USP36: variants seen among roughly 807,000 people sequenced by gnomAD.
USP36 encodes the protein ubiquitin specific peptidase 36, also known as ubiquitin carboxyl-terminal hydrolase 36.
In USP36, 59 loss-of-function variants were observed where a neutral mutation model predicts 111.5. The observed-to-expected ratio is 0.53, with a 90% CI of 0.43 to 0.66. The LOEUF (loss-of-function observed/expected upper bound fraction) is 0.66, where lower values mean the gene tolerates loss of function less well. USP36 is among the 30% of genes least tolerant of loss of function. USP36 has a pLI of 0.00. For synonymous variants in USP36, 628 were observed against 581.0 expected (o/e 1.08, Z -1.16); for missense variants, 1,488 against 1,468.0 (o/e 1.01, Z -0.22).
chr17:78,834,571 C>G (rs567010986), intron 4 of USP36, among the ~76,000 whole-genome samples: 1 of 151,946 alleles, frequency 6.6e-6, no homozygotes, highest in African/African-American at 2.4e-5. Context: ...TTCAGCCTCC[C>G]GAGCAGCTGG....
At position 78,806,100 on chromosome 17, in the gene USP36, C is replaced by T; in HGVS notation, c.2216+56G>A. 12 of 1,608,650 alleles carry T rather than the reference C, an allele frequency of 7.5e-6. No individual in the cohort carries two copies. The South Asian group carries it at 1.1e-4, about 15-fold the overall frequency. Reference sequence around the variant, plus strand: ...CGTCCAACTCCTCACCAGCCAAGCACACGCAACCACAGGGAGAACCAGTTG... The same window carrying T: ...CGTCCAACTCCTCACCAGCCAAGCATACGCAACCACAGGGAGAACCAGTTG... On this transcript the variant is annotated intron_variant, in intron 15 of 20. Transcript: ENST00000449938.
intron 10 of USP36, among the ~76,000 whole-genome samples, chr17:78,818,175 C>T (rs1294898346): frequency 6.6e-6 from 1 of 152,158 alleles, no homozygotes; most frequent in African/African-American, 2.4e-5. Context: ...GAGCATGCAA[C>T]GGCACCTGTT....
chr17:78,812,807 C>CTGT, intron 13 of USP36, 53 bp downstream of exon 13: 1 of 1,601,842 alleles, frequency 6.2e-7, no homozygotes, highest in South Asian at 1.1e-5. Context: ...GTGAGGAGGT[C>CTGT]TGTGAGGAGC....
intron 6 of USP36, among the ~76,000 whole-genome samples, chr17:78,822,234 A>G (rs1180054051): frequency 2.0e-5 from 3 of 152,108 alleles, no homozygotes; most frequent in Non-Finnish European, 4.4e-5. Context: ...CACAGTAGCC[A>G]TTTCAAACCT....
At chr17:78,825,474 G>A (rs1599072107) in intron 6 of USP36, among the ~76,000 whole-genome samples, 1 of 151,968 alleles carries the variant, frequency 6.6e-6, no homozygotes, top group African/African-American at 2.4e-5. Flanking sequence ...CCGACATCTG[G>A]TGAGCCTTCA....
At chr17:78,827,014 C>A (rs1341110467) in intron 6 of USP36, 2 of 664,414 alleles carry the variant, frequency 3.0e-6, no homozygotes, top group Admixed American at 2.1e-5. Context: ...TCCTACCAAG[C>A]CGCCCCGGAC....
chr17:78,806,420 G>A, intron 14 of USP36, 134 bp from the exon 15 acceptor site: 3 of 1,175,102 alleles, frequency 2.6e-6, no homozygotes, highest in Admixed American at 2.6e-5. Flanking sequence ...GACAGAAGAA[G>A]ACAAAAAGGG....
At chr17:78,818,562 T>G in intron 10 of USP36, 105 bp downstream of exon 10, 1 of 949,666 alleles carries the variant, frequency 1.1e-6, no homozygotes, top group Non-Finnish European at 1.7e-6. Flanking sequence ...GGACAGGTAC[T>G]GTGTAAACAG....
intron 14 of USP36, 77 bp downstream of exon 14, chr17:78,806,878 TCTCA>T: frequency 6.5e-7 from 1 of 1,542,756 alleles, no homozygotes; most frequent in South Asian, 1.2e-5. Context: ...CGGACAATGT[TCTCA>T]CTCCCTTCAA....
intron 6 of USP36, among the ~76,000 whole-genome samples, chr17:78,824,451 G>C (rs535820351): frequency 6.6e-6 from 1 of 152,314 alleles, no homozygotes; most frequent in East Asian, 1.9e-4. Context: ...TTACTGGGCA[G>C]GAGGATTGCT....
At chr17:78,820,240 C>T (rs914930656) in intron 8 of USP36, among the ~76,000 whole-genome samples, 2 of 152,232 alleles carry the variant, frequency 1.3e-5, no homozygotes, top group Middle Eastern at 3.4e-3. Context: ...CTTGGGAGGC[C>T]GGGGCAGGAG....
Position 78,803,534 on chromosome 17 carries a change from C to A in USP36, c.2661G>T (p.Arg887=). 6.2e-7 allele frequency: 1 copy of A among 1,613,744 alleles called. No individual in the cohort carries two copies. The highest frequency in any genetic ancestry group is 8.5e-7 in the Non-Finnish European group (1 of 1,180,034). The change falls in exon 16 of 21, where the codon CGG becomes CGT. Residue 887 remains arginine (R), a synonymous_variant. Transcript: ENST00000449938. This position sits in a 1 kb window ranked among gnomAD's most constrained non-coding sequence, Gnocchi z 4.6. ...EGQAQLPAVR[R]QEDGTQPQVN... ...CCTGTGGCTGTGTGCCATCTTCCTGCCGTCTGACAGCGGGCAGCTGTGCCT... is the reference window on the plus strand; with the variant it reads ...CCTGTGGCTGTGTGCCATCTTCCTGACGTCTGACAGCGGGCAGCTGTGCCT...
At chr17:78,814,612 G>A in intron 10 of USP36, 60 bp from the exon 11 acceptor site, 3 of 1,575,664 alleles carry the variant, frequency 1.9e-6, no homozygotes, top group Non-Finnish European at 2.6e-6. Flanking sequence ...AGATCAATTT[G>A]CCCTTTCCAT....
downstream of USP36, among the ~76,000 whole-genome samples, chr17:78,792,535 T>C (rs12452199): frequency 3.7e-4 from 57 of 152,216 alleles, no homozygotes; most frequent in Admixed American, 1.6e-3. Context: ...CCGGGGACTA[T>C]TGGACATGCA....
intron 18 of USP36, 30 bp from the exon 19 acceptor site, chr17:78,799,053 G>T (rs375079416): frequency 5.2e-5 from 84 of 1,607,046 alleles, no homozygotes; most frequent in Non-Finnish European, 6.6e-5. Flanking sequence ...GTCAGCACGA[G>T]TGCAGGTTCC....
In USP36 at chr17:78,798,693, G is replaced by T; in HGVS notation, c.3241-142C>A. 3 of 1,347,108 alleles carry T rather than the reference G, an allele frequency of 2.2e-6. No individual in the cohort carries two copies. The highest frequency in any genetic ancestry group is 3.1e-6 in the Non-Finnish European group (3 of 976,376). 83.4% of individuals were successfully genotyped at this position (1,347,108 alleles called of 1,614,324 possible). On this transcript the variant is annotated intron_variant, in intron 19 of 20. Transcript: ENST00000449938. This position sits in a 1 kb window ranked among gnomAD's most constrained non-coding sequence, Gnocchi z 5.1. ...ACCCACTCTTCACAATGACCCCTGTGCACGGCGACCTGCAGTCCCCCTATT... is the reference window on the plus strand; with the variant it reads ...ACCCACTCTTCACAATGACCCCTGTTCACGGCGACCTGCAGTCCCCCTATT...
intron 14 of USP36, 130 bp downstream of exon 14, chr17:78,806,829 G>A: frequency 1.5e-6 from 2 of 1,304,762 alleles, no homozygotes; most frequent in Non-Finnish European, 2.1e-6. Context: ...ACGACTAAAA[G>A]ACACTTTGTT....
chr17:78,804,992 C>T (rs904783467), intron 15 of USP36, among the ~76,000 whole-genome samples: 6 of 152,058 alleles, frequency 3.9e-5, no homozygotes, highest in East Asian at 1.9e-4. Flanking sequence ...ACGCTGAAAC[C>T]GGGACACAGA....
chr17:78,806,641 G>T (rs2093909811), intron 14 of USP36, among the ~76,000 whole-genome samples: 1 of 152,194 alleles, frequency 6.6e-6, no homozygotes, highest in Admixed American at 6.5e-5. Flanking sequence ...GACACGTGCT[G>T]GTGGGGCCCA....
Sources: allele counts gnomAD v4.1 joint callset (sites outside exome capture counted in the v4.1 genomes callset), GRCh38; gene constraint gnomAD v4.1.1; non-coding constraint Gnocchi (gnomAD v3.1); transcripts MANE v1.5; gene names NCBI Gene and HGNC (gene_info 2026-07-23, HGNC 2026-07-21).